INVS: variants seen among roughly 807,000 people sequenced by gnomAD.
INVS encodes inversin.
INVS carries 86 observed loss-of-function variants against 108.8 expected under a neutral mutation model. That is an observed-to-expected ratio of 0.79 (90% confidence interval 0.66 to 0.95). INVS has a LOEUF of 0.95. Ranked by LOEUF, INVS falls within the 40% of genes least tolerant of loss-of-function variation. The probability of loss-of-function intolerance (pLI) is 0.00; values close to 1 mark genes in which losing one functional copy is unlikely to be tolerated. For synonymous variants in INVS, 455 were observed against 473.5 expected (o/e 0.96, Z 0.51); for missense variants, 1,169 against 1,297.4 (o/e 0.90, Z 1.52).
chr9:100,128,129 T>C (rs1399019141), intron 3 of INVS, among the ~76,000 whole-genome samples: 2 of 152,208 alleles, frequency 1.3e-5, no homozygotes, highest in African/African-American at 2.4e-5. Context: ...AGAAGTATTA[T>C]ATGACAAAGA....
intron 2 of INVS, among the ~76,000 whole-genome samples, chr9:100,122,882 C>T (rs1295448513): frequency 6.6e-6 from 1 of 152,034 alleles, no homozygotes; most frequent in Non-Finnish European, 1.5e-5. Flanking sequence ...CTGCGCCCAG[C>T]CTAATCAAGT....
At chr9:100,274,780 C>T (rs909096996) in intron 12 of INVS, among the ~76,000 whole-genome samples, 1 of 152,166 alleles carries the variant, frequency 6.6e-6, no homozygotes, top group Non-Finnish European at 1.5e-5. Context: ...GCTGGGACTA[C>T]AGGCATGAGC....
At chr9:100,135,470 G>A (rs1253721139) in intron 3 of INVS, among the ~76,000 whole-genome samples, 1 of 152,184 alleles carries the variant, frequency 6.6e-6, no homozygotes, top group Admixed American at 6.5e-5. Flanking sequence ...TATCTAACAA[G>A]CTCCCAGGTG....
intron 3 of INVS, 34 bp from the exon 4 acceptor site, chr9:100,226,028 A>AT (rs755572098): frequency 6.5e-7 from 1 of 1,550,378 alleles, no homozygotes; most frequent in South Asian, 1.2e-5. Flanking sequence ...CCCATAGTAC[A>AT]TTTTTTTCTT....
intron 11 of INVS, among the ~76,000 whole-genome samples, chr9:100,270,748 C>CAAAA (rs746291227): frequency 7.4e-4 from 35 of 47,130 alleles, no homozygotes; most frequent in African/African-American, 2.3e-3. Flanking sequence ...AACTCCATCT[C>CAAAA]AAAAAAAAAA....
chr9:100,140,332 G>A (rs924068353), intron 3 of INVS, among the ~76,000 whole-genome samples: 4 of 152,128 alleles, frequency 2.6e-5, no homozygotes, highest in Admixed American at 2.6e-4. Flanking sequence ...GTAGGTAAAG[G>A]AAAATTACAG....
At chr9:100,275,289 A>T (rs1302801422) in intron 12 of INVS, among the ~76,000 whole-genome samples, 1 of 152,228 alleles carries the variant, frequency 6.6e-6, no homozygotes, top group African/African-American at 2.4e-5. Flanking sequence ...AAGGGATGGA[A>T]TGTTGTATTT....
chr9:100,165,123 G>T (rs146450486), intron 3 of INVS, among the ~76,000 whole-genome samples: 55 of 151,416 alleles, frequency 3.6e-4, no homozygotes, highest in South Asian at 2.5e-3. Context: ...ATTTTTATGG[G>T]TATTTAGTAG....
intron 2 of INVS, chr9:100,116,857 T>C (rs1827548512): frequency 4.0e-6 from 5 of 1,263,342 alleles, no homozygotes; most frequent in Non-Finnish European, 5.6e-6. Context: ...ACTTGGTAAA[T>C]ACAATCTTCC....
intron 3 of INVS, among the ~76,000 whole-genome samples, chr9:100,138,298 C>A (rs562031554): frequency 6.6e-6 from 1 of 151,948 alleles, no homozygotes; most frequent in South Asian, 2.1e-4. Flanking sequence ...CCCAGCTACT[C>A]GGGAGGCTGA....
Position 100,284,609 on chromosome 9 carries a change from T to C in INVS, c.2068+6T>C, listed in dbSNP as rs1833380394. The C allele has an allele frequency of 6.2e-7, 1 of 1,612,360 alleles. No homozygotes were observed. Among genetic ancestry groups the C allele is most frequent in the Middle Eastern group, 1.7e-4 (1 of 5,756 alleles). On this transcript the variant is annotated splice_donor_region_variant and intron_variant, in intron 13 of 16. Coordinates refer to ENST00000262457, the MANE Select transcript of INVS (RefSeq NM_014425.5). ...AAACTCCAGAAGGCCAAATGGTAGG[T>C]GTATTGCCTTTGTCATCTTCTGCCG...
intron 7 of INVS, among the ~76,000 whole-genome samples, chr9:100,245,550 G>C (rs896086511): frequency 3.3e-5 from 5 of 152,124 alleles, no homozygotes; most frequent in African/African-American, 4.8e-5. Context: ...AAAGTGCTGG[G>C]ATTACAGGCG....
chr9:100,272,955 C>A lies in INVS; in HGVS notation c.1663C>A (p.Gln555Lys), dbSNP rs772917131. The A allele has an allele frequency of 6.2e-7, 1 of 1,614,082 alleles. No homozygotes were observed. Among genetic ancestry groups the A allele is most frequent in the Non-Finnish European group, 8.5e-7 (1 of 1,179,990 alleles). Residue 555 changes from glutamine (Q) to lysine (K), a missense_variant, in exon 12 of 17, where the codon CAA becomes AAA. Physicochemically the swap from Gln to Lys is moderately conservative, Grantham distance 53. Transcript: ENST00000262457. ...EHGALSIAAI[Q>K]DIAAFKIQAV... is the part of the protein sequence containing the mutation. Reference sequence around the variant, plus strand: ...CGGTGCCCTGTCCATCGCAGCCATACAAGACATCGCCGCCTTCAAAATCCA... The same window carrying A: ...CGGTGCCCTGTCCATCGCAGCCATAAAAGACATCGCCGCCTTCAAAATCCA...
In INVS at chr9:100,175,775, C is replaced by T. The variant is rs1189013648; in HGVS notation, c.273+49226C>T. 13 of 636,930 alleles carry T rather than the reference C, an allele frequency of 2.0e-5. No homozygotes were observed. In the Admixed American group the frequency reaches 2.4e-4, roughly 12 times the overall value. The allele number at this position is 636,930 out of a possible 1,614,324, so 39.5% of individuals were successfully genotyped here. ...CGGCCTGGGGCAACCAGACCTGGAA[C>T]ATCCAGTCCTAGAACAGCCATTCCT... On this transcript the variant is annotated intron_variant, in intron 3 of 16. Coordinates refer to ENST00000262457, the MANE Select transcript of INVS (RefSeq NM_014425.5).
chr9:100,127,299 T>A (rs894689096), intron 3 of INVS, among the ~76,000 whole-genome samples: 1 of 152,166 alleles, frequency 6.6e-6, no homozygotes, highest in African/African-American at 2.4e-5. Context: ...CTGAATGTAT[T>A]TTCAACTTTT....
At chr9:100,243,785 G>A (rs550022420) in intron 7 of INVS, among the ~76,000 whole-genome samples, 16 of 152,208 alleles carry the variant, frequency 1.1e-4, no homozygotes, top group South Asian at 2.1e-4. Context: ...AGAGATGGGC[G>A]GATCACCTAA....
chr9:100,161,470 C>T (rs1268177697), intron 3 of INVS, among the ~76,000 whole-genome samples: 1 of 150,744 alleles, frequency 6.6e-6, no homozygotes, highest in Non-Finnish European at 1.5e-5. Context: ...CAGAAGTGGG[C>T]CTTATAATTC....
At chr9:100,154,331 ATT>A (rs780090630) in intron 3 of INVS, among the ~76,000 whole-genome samples, 914 of 68,430 alleles carry the variant, frequency 0.013, 4 homozygotes, top group African/African-American at 0.061. Flanking sequence ...CAACCGACTA[ATT>A]TTTTTTTTTT....
chr9:100,245,251 G>T (rs1426044918), intron 7 of INVS, among the ~76,000 whole-genome samples: 1 of 151,942 alleles, frequency 6.6e-6, no homozygotes, highest in Non-Finnish European at 1.5e-5. Flanking sequence ...GAATTGTCAA[G>T]GGTCCTAATT....
Sources: gnomAD v4.1 joint callset for allele counts (sites outside exome capture counted in the v4.1 genomes callset) on GRCh38, gnomAD v4.1.1 for gene constraint, MANE v1.5 for transcripts, NCBI Gene and HGNC (gene_info 2026-07-23, HGNC 2026-07-21) for gene names.